PCED1B: variants seen among roughly 807,000 people sequenced by gnomAD.
PCED1B encodes the protein PC-esterase domain-containing protein 1B.
For missense variants in PCED1B, 573 were observed against 573.9 expected, an observed-to-expected ratio of 1.00 and a Z score of 0.02; for synonymous variants, 251 against 246.1, an observed-to-expected ratio of 1.02 and a Z score of -0.19.
intron 3 of PCED1B, among the ~76,000 whole-genome samples, chr12:47,234,129 C>G (rs796487711): frequency 1.8e-4 from 28 of 152,226 alleles, no homozygotes; most frequent in African/African-American, 6.8e-4. Context: ...GCTGGGATTA[C>G]AGGCATGCGC....
chr12:47,124,152 C>T (rs943578226), intron 2 of PCED1B, among the ~76,000 whole-genome samples: 1 of 152,026 alleles, frequency 6.6e-6, no homozygotes, highest in African/African-American at 2.4e-5. Context: ...CCAAAAAGTT[C>T]TCTCATGTCC....
At chr12:47,231,439 G>A (rs1263954051) in intron 3 of PCED1B, among the ~76,000 whole-genome samples, 1 of 152,008 alleles carries the variant, frequency 6.6e-6, no homozygotes, top group Non-Finnish European at 1.5e-5. Flanking sequence ...GGTTTTTTCA[G>A]TAAGTTTATT....
intron 2 of PCED1B, among the ~76,000 whole-genome samples, chr12:47,193,730 T>G: frequency 6.6e-6 from 1 of 152,204 alleles, no homozygotes; most frequent in East Asian, 1.9e-4. Context: ...ATCAGCAACA[T>G]TGCTCCAGTC....
At chr12:47,143,464 G>C (rs1272627269) in intron 2 of PCED1B, among the ~76,000 whole-genome samples, 1 of 152,002 alleles carries the variant, frequency 6.6e-6, no homozygotes, top group East Asian at 1.9e-4. Context: ...AAGAAACTTA[G>C]AAAACAATTC....
intron 2 of PCED1B, among the ~76,000 whole-genome samples, chr12:47,104,412 G>A (rs529898678): frequency 1.3e-3 from 194 of 152,284 alleles, no homozygotes; most frequent in African/African-American, 4.5e-3. Flanking sequence ...GAAATGTTAT[G>A]AGCATTAAAA....
At chr12:47,104,513 C>T (rs1938859527) in intron 2 of PCED1B, among the ~76,000 whole-genome samples, 1 of 152,158 alleles carries the variant, frequency 6.6e-6, no homozygotes, top group Non-Finnish European at 1.5e-5. Flanking sequence ...CATTATCACC[C>T]AGGCAAGTCA....
At chr12:47,178,866 CAAAA>C (rs35135157) in intron 2 of PCED1B, among the ~76,000 whole-genome samples, 4 of 81,286 alleles carry the variant, frequency 4.9e-5, no homozygotes, top group Admixed American at 1.4e-4. Flanking sequence ...GACTCCATCT[CAAAA>C]AAAAAAAAAA....
At chr12:47,086,054 T>C (rs1463220998) in intron 1 of PCED1B, among the ~76,000 whole-genome samples, 1 of 152,202 alleles carries the variant, frequency 6.6e-6, no homozygotes, top group East Asian at 1.9e-4. Flanking sequence ...CTGAGAATTA[T>C]AGCCATGCAT....
chr12:47,185,749 A>G lies in PCED1B; in HGVS notation c.-525-30473A>G, dbSNP rs1046573687. ...GGTTGCAGTGAGCTGAAATCGTGGTACTACTACTCCAGCTTGGGCAACAGC... is the reference window on the plus strand; with the variant it reads ...GGTTGCAGTGAGCTGAAATCGTGGTGCTACTACTCCAGCTTGGGCAACAGC... On this transcript the variant is annotated intron_variant, in intron 2 of 3. Transcript: ENST00000546455. Among the ~76,000 whole-genome samples, 6 of 151,534 alleles carry G rather than the reference A, an allele frequency of 4.0e-5. 1 individual carries two copies. The South Asian group carries it at 1.3e-3, about 32-fold the overall frequency.
intron 2 of PCED1B, among the ~76,000 whole-genome samples, chr12:47,169,605 A>C (rs1376226927): frequency 6.6e-6 from 1 of 152,178 alleles, no homozygotes; most frequent in Non-Finnish European, 1.5e-5. Context: ...TATATTTCTA[A>C]ATGAAGTTCT....
Position 47,216,537 on chromosome 12 carries a change from A to G in PCED1B, c.-210A>G, listed in dbSNP as rs563710402. Reference sequence around the variant, plus strand: ...CCAGACGCTGGCTTGCAAGCACAGCAGCACCCAGAGGCTAACCTATTTCCC... The same window carrying G: ...CCAGACGCTGGCTTGCAAGCACAGCGGCACCCAGAGGCTAACCTATTTCCC... On this transcript the variant is annotated 5_prime_UTR_variant, in exon 3 of 4. Coordinates refer to ENST00000546455, the MANE Select transcript of PCED1B (RefSeq NM_138371.3). 58 of 152,332 alleles carry G rather than the reference A, an allele frequency of 3.8e-4. No homozygotes were observed. The highest frequency in any genetic ancestry group is 1.3e-3 in the African/African-American group (55 of 41,576). The allele number at this position is 152,332 out of a possible 1,614,324, so 9.4% of individuals were successfully genotyped here. A position where few individuals can be genotyped will look rare whatever the true frequency, so the allele number is the denominator to read the frequency against.
intron 2 of PCED1B, among the ~76,000 whole-genome samples, chr12:47,174,115 A>G (rs1285852960): frequency 1.3e-5 from 2 of 152,146 alleles, no homozygotes; most frequent in African/African-American, 2.4e-5. Context: ...CTCTGTCTCT[A>G]TAAAAAAATA....
intron 2 of PCED1B, among the ~76,000 whole-genome samples, chr12:47,166,512 A>C (rs11834555): frequency 0.038 from 5,734 of 152,344 alleles, 121 homozygotes; most frequent in Middle Eastern, 0.078. Context: ...CCTGAGAAAC[A>C]TGTCAATAGC....
chr12:47,222,415 T>G (rs1253736272), intron 3 of PCED1B, among the ~76,000 whole-genome samples: 3 of 58,112 alleles, frequency 5.2e-5, no homozygotes, highest in Non-Finnish European at 9.1e-5. Context: ...AGAGCAAAAC[T>G]CCATCTCAAA....
intron 2 of PCED1B, among the ~76,000 whole-genome samples, chr12:47,148,545 C>G (rs1214866035): frequency 6.6e-6 from 1 of 152,176 alleles, no homozygotes; most frequent in Non-Finnish European, 1.5e-5. Context: ...ACCACAGCCC[C>G]TGAAACTCCC....
chr12:47,204,252 A>C (rs1427675153), intron 2 of PCED1B, among the ~76,000 whole-genome samples: 1 of 151,392 alleles, frequency 6.6e-6, no homozygotes, highest in Non-Finnish European at 1.5e-5. Flanking sequence ...CCCAACCCCC[A>C]TATGAATTTA....
intron 2 of PCED1B, among the ~76,000 whole-genome samples, chr12:47,166,516 CA>C (rs1436905009): frequency 6.6e-6 from 1 of 152,176 alleles, no homozygotes; most frequent in Non-Finnish European, 1.5e-5. Context: ...AGAAACATGT[CA>C]ATAGCAATAG....
chr12:47,167,067 A>C (rs2137532387), intron 2 of PCED1B, among the ~76,000 whole-genome samples: 1 of 152,298 alleles, frequency 6.6e-6, no homozygotes, highest in Admixed American at 6.5e-5. Flanking sequence ...ATGGTAAACA[A>C]GGATTGTTTA....
At chr12:47,103,032 G>T (rs1938782953) in intron 1 of PCED1B, among the ~76,000 whole-genome samples, 1 of 152,036 alleles carries the variant, frequency 6.6e-6, no homozygotes. Flanking sequence ...TAAGGGCACA[G>T]ATAAAGTTTG....
Sources: allele counts gnomAD v4.1 joint callset (sites outside exome capture counted in the v4.1 genomes callset), GRCh38; gene constraint gnomAD v4.1.1; transcripts MANE v1.5; gene names NCBI Gene and HGNC (gene_info 2026-07-23, HGNC 2026-07-21).